Variants in TBCE observed in about 807,000 individuals in gnomAD.
The protein encoded by TBCE is tubulin-specific chaperone E.
A neutral mutation model predicts 77.0 loss-of-function variants in TBCE; 53 were observed. The observed-to-expected ratio is 0.69, with a 90% confidence interval of 0.55 to 0.87. The LOEUF (loss-of-function observed/expected upper bound fraction) is 0.87, where lower values mean the gene tolerates loss of function less well. Among genes scored for constraint, TBCE ranks in the 40% least tolerant of loss-of-function variants. TBCE has a pLI of 0.00. For missense variants in TBCE, 624 were observed against 622.4 expected (o/e 1.00, Z -0.03); for synonymous variants, 235 against 241.3 (o/e 0.97, Z 0.24).
chr1:235,368,715 G>A (rs534954246), intron 1 of TBCE, among the ~76,000 whole-genome samples: 1 of 151,336 alleles, frequency 6.6e-6, no homozygotes, highest in East Asian at 1.9e-4. Context: ...GTGCCACCAT[G>A]CCCAGCTAAT....
At chr1:235,375,034 C>T (rs1312370249) in intron 1 of TBCE, among the ~76,000 whole-genome samples, 7 of 146,918 alleles carry the variant, frequency 4.8e-5, no homozygotes, top group African/African-American at 1.8e-4. Context: ...CATTCTCCTG[C>T]CTCAGCCTCC....
chr1:235,428,979 A>G (rs1161601804), intron 6 of TBCE: 3 of 94,618 alleles, frequency 3.2e-5, no homozygotes, highest in African/African-American at 2.0e-4. Context: ...GTATATATAT[A>G]TATATATTTT....
chr1:235,376,936 C>G (rs1259192652), intron 1 of TBCE, among the ~76,000 whole-genome samples: 2 of 151,922 alleles, frequency 1.3e-5, no homozygotes, highest in African/African-American at 4.8e-5. Flanking sequence ...ATTGCACCAG[C>G]CTGAGCGACA....
rs1266257362 is a variant in TBCE at position 235,448,932 on chromosome 1, T to C, written c.*170T>C. Reference sequence around the variant, plus strand: ...TGGGAAGTGACCATTTCTAGGCTTATACATAATAGCAATAATAAAGGCTTT... The same window carrying C: ...TGGGAAGTGACCATTTCTAGGCTTACACATAATAGCAATAATAAAGGCTTT... On this transcript the variant is annotated 3_prime_UTR_variant, in exon 17 of 17. Transcript: ENST00000642610. 1 of 596,480 alleles carries C rather than the reference T, an allele frequency of 1.7e-6. No homozygotes were observed. The highest frequency in any genetic ancestry group is 3.0e-6 in the Non-Finnish European group (1 of 330,922). 36.9% of individuals were successfully genotyped at this position (596,480 alleles called of 1,614,324 possible).
rs944272143 is a variant in TBCE at position 235,377,780 on chromosome 1, T to G, written c.-31-2239T>G. Among the ~76,000 whole-genome samples the G allele has an allele frequency of 3.6e-4, 54 of 151,810 alleles. 1 individual carries two copies. The highest frequency in any genetic ancestry group is 1.5e-4 in the Non-Finnish European group (10 of 67,988). On this transcript the variant is annotated intron_variant, in intron 1 of 16. Transcript: ENST00000642610. ...GATTCTCCTGCCTCAGCCTCCTGAG[T>G]AGCTGGGATTACAGGCATCGCGCCA... is the stretch of plus-strand genomic sequence containing the variant.
intron 15 of TBCE, among the ~76,000 whole-genome samples, chr1:235,446,980 T>A (rs979793587): frequency 6.6e-6 from 1 of 152,150 alleles, no homozygotes; most frequent in Non-Finnish European, 1.5e-5. Context: ...AGATTTCTTA[T>A]TAGAACTGTT....
At chr1:235,370,050 G>T (rs1326872764) in intron 1 of TBCE, among the ~76,000 whole-genome samples, 1 of 151,846 alleles carries the variant, frequency 6.6e-6, no homozygotes. Context: ...CTCATATTTT[G>T]GGGACCTTTA....
intron 15 of TBCE, among the ~76,000 whole-genome samples, chr1:235,447,409 C>A (rs1335543936): frequency 1.3e-5 from 2 of 152,242 alleles, no homozygotes; most frequent in Admixed American, 6.5e-5. Context: ...CTATTTACCA[C>A]AACCCGTCTT....
chr1:235,382,157 T>C (rs962236166), intron 2 of TBCE, among the ~76,000 whole-genome samples: 2 of 151,726 alleles, frequency 1.3e-5, no homozygotes, highest in Non-Finnish European at 1.5e-5. Context: ...TCATTTTTTA[T>C]GGCTGCATAG....
At chr1:235,430,422 A>G in intron 6 of TBCE, 3 of 328,314 alleles carry the variant, frequency 9.1e-6, no homozygotes, top group South Asian at 5.6e-5. Context: ...CAAATGCCTG[A>G]GTTTTGGGTT....
At chr1:235,441,601 A>G (rs1681881939) in intron 13 of TBCE, 2 of 576,594 alleles carry the variant, frequency 3.5e-6, no homozygotes, top group Admixed American at 6.1e-5. Flanking sequence ...TAAGCTACAG[A>G]GTCTGCAGCT....
chr1:235,373,334 G>A (rs1052219073), intron 1 of TBCE, among the ~76,000 whole-genome samples: 13 of 152,018 alleles, frequency 8.6e-5, no homozygotes, highest in African/African-American at 3.1e-4. Flanking sequence ...TTTTATGATC[G>A]GAAGATGGTA....
intron 15 of TBCE, among the ~76,000 whole-genome samples, chr1:235,444,152 T>C (rs943784748): frequency 6.6e-6 from 1 of 152,254 alleles, no homozygotes; most frequent in Non-Finnish European, 1.5e-5. Context: ...GTATTGCTTA[T>C]AGAAGGCCTT....
At chr1:235,384,467 G>A (rs1231352967) in intron 2 of TBCE, among the ~76,000 whole-genome samples, 67 of 146,196 alleles carry the variant, frequency 4.6e-4, no homozygotes, top group African/African-American at 1.5e-3. Flanking sequence ...TGGTTGGTAA[G>A]CTATTGATTA....
At chr1:235,421,855 G>A (rs1680417522) in intron 5 of TBCE, among the ~76,000 whole-genome samples, 1 of 152,202 alleles carries the variant, frequency 6.6e-6, no homozygotes, top group African/African-American at 2.4e-5. Flanking sequence ...TCTGAGTGAA[G>A]AGATGCCAGG....
In TBCE at chr1:235,450,963, T is replaced by C. The variant is rs1682861871; in HGVS notation, c.*2201T>C. On this transcript the variant is annotated 3_prime_UTR_variant, in exon 17 of 17. Transcript: ENST00000642610. Reference sequence around the variant, plus strand: ...GTAGCAGAACACAGAGAGAAACTCATTCAATGTTTTGACAACACAAAAATG... The same window carrying C: ...GTAGCAGAACACAGAGAGAAACTCACTCAATGTTTTGACAACACAAAAATG... The C allele has an allele frequency of 6.6e-6, 1 of 152,254 alleles. No individual in the cohort carries two copies. Among genetic ancestry groups the C allele is most frequent in the African/African-American group, 2.4e-5 (1 of 41,472 alleles). The allele number at this position is 152,254 out of a possible 1,614,324, so 9.4% of individuals were successfully genotyped here.
At chr1:235,421,078 T>C (rs6696271) in intron 5 of TBCE, among the ~76,000 whole-genome samples, 8,854 of 152,240 alleles carry the variant, frequency 0.058, 440 homozygotes, top group African/African-American at 0.14. Flanking sequence ...TATATTTCTT[T>C]TTTGCCTGTA....
intron 1 of TBCE, among the ~76,000 whole-genome samples, chr1:235,369,763 C>T (rs1471642886): frequency 1.3e-5 from 2 of 149,274 alleles, no homozygotes; most frequent in Admixed American, 6.8e-5. Flanking sequence ...GGGGCAGGCG[C>T]GGAGGTTGCA....
intron 3 of TBCE, among the ~76,000 whole-genome samples, chr1:235,405,207 C>T (rs114861859): frequency 0.067 from 10,205 of 152,032 alleles, 408 homozygotes; most frequent in Non-Finnish European, 0.087. Flanking sequence ...AGGTGATCTG[C>T]CTGCCTTGGC....
Sources: gnomAD v4.1 joint callset for allele counts (sites outside exome capture counted in the v4.1 genomes callset) on GRCh38, gnomAD v4.1.1 for gene constraint, MANE v1.5 for transcripts, NCBI Gene and HGNC (gene_info 2026-07-23, HGNC 2026-07-21) for gene names.